The following ANKRD36 variants were observed in gnomAD, a reference collection of about 807,000 sequenced individuals.
ANKRD36 encodes ankyrin repeat domain-containing protein 36A.
In ANKRD36, 179 loss-of-function variants were observed where a neutral mutation model predicts 278.1. The ratio of observed to expected loss-of-function variants is 0.64; its 90% CI spans 0.57 to 0.73. ANKRD36 has a LOEUF of 0.73. Ranked by LOEUF, ANKRD36 falls within the 30% of genes least tolerant of loss-of-function variation. ANKRD36 has a pLI of 0.00. For missense variants in ANKRD36, 1,159 were observed against 1,956.7 expected (o/e 0.59, Z 7.69); for synonymous variants, 320 against 641.1 (o/e 0.50, Z 7.57).
At chr2:97,221,736 C>G (rs1456474840) in intron 66 of ANKRD36, among the ~76,000 whole-genome samples, 2 of 150,320 alleles carry the variant, frequency 1.3e-5, no homozygotes, top group African/African-American at 2.5e-5. Context: ...GTTGCCTGTT[C>G]ACTCGGATGG....
chr2:97,203,604 G>T (rs1452892433), intron 48 of ANKRD36, among the ~76,000 whole-genome samples: 1 of 151,820 alleles, frequency 6.6e-6, no homozygotes, highest in Non-Finnish European at 1.5e-5. Flanking sequence ...AATTGTCATG[G>T]TAATTGTGTG....
chr2:97,200,740 A>G (rs1285405046), intron 46 of ANKRD36, among the ~76,000 whole-genome samples: 1 of 151,872 alleles, frequency 6.6e-6, no homozygotes, highest in Non-Finnish European at 1.5e-5. Context: ...TACAATTGGG[A>G]GGAAGAAACA....
intron 22 of ANKRD36, among the ~76,000 whole-genome samples, chr2:97,169,762 C>A (rs2051848549): frequency 6.6e-6 from 1 of 152,258 alleles, no homozygotes. Context: ...CTACAAACCA[C>A]TGCTCAAGGA....
chr2:97,145,961 CAA>C (rs748331523), intron 10 of ANKRD36, among the ~76,000 whole-genome samples: 74 of 152,120 alleles, frequency 4.9e-4, no homozygotes, highest in Middle Eastern at 3.4e-3. Context: ...TCCGGCAAGT[CAA>C]AGAGCATGAT....
At chr2:97,151,305 G>T (rs1387634659) in intron 12 of ANKRD36, among the ~76,000 whole-genome samples, 1 of 151,800 alleles carries the variant, frequency 6.6e-6, no homozygotes. Flanking sequence ...TGCTCCATAA[G>T]GTGGATGATT....
At chr2:97,194,005 G>T (rs1337349927) in intron 38 of ANKRD36, among the ~76,000 whole-genome samples, 1 of 151,630 alleles carries the variant, frequency 6.6e-6, no homozygotes, top group African/African-American at 2.4e-5. Context: ...TTACTTTGTA[G>T]AAGTATGTCA....
intron 64 of ANKRD36, among the ~76,000 whole-genome samples, chr2:97,217,784 A>C (rs1393707679): frequency 6.6e-6 from 1 of 151,692 alleles, no homozygotes; most frequent in Non-Finnish European, 1.5e-5. Context: ...ACCCATAAAC[A>C]CTGGAGAATG....
Position 97,187,207 on chromosome 2 carries a change from A to G in ANKRD36, c.2051A>G (p.Gln684Arg). 6.2e-7 allele frequency: 1 copy of G among 1,609,786 alleles called. No homozygotes were observed. Reference protein sequence around the residue: ...DGLQCGTVSSQKQPALKATTD... With the variant: ...DGLQCGTVSSRKQPALKATTD... ...CCCTTTTGCTTTTCAGTGTCTTCTC[A>G]GAAACAACCAGCCTTGAAGGTAATT... The change falls in exon 31 of 76, where the codon CAG becomes CGG. Residue 684 changes from glutamine (Q) to arginine (R), a missense_variant. By Grantham distance (43) the Gln-to-Arg change is conservative. Transcript: ENST00000420699.
intron 50 of ANKRD36, 28 bp downstream of exon 50, chr2:97,204,291 T>C (rs1391313923): frequency 3.2e-6 from 5 of 1,540,176 alleles, no homozygotes; most frequent in East Asian, 4.9e-5. Context: ...TTTAATGTCA[T>C]GTTCAGTGCA....
chr2:97,260,324 C>A, intron 75 of ANKRD36, among the ~76,000 whole-genome samples: 1 of 113,396 alleles, frequency 8.8e-6, no homozygotes, highest in Non-Finnish European at 1.7e-5. Flanking sequence ...AGTGCATTGT[C>A]AATGAGCAGT....
chr2:97,226,195 G>C (rs1433850043), intron 67 of ANKRD36, among the ~76,000 whole-genome samples: 1 of 151,304 alleles, frequency 6.6e-6, no homozygotes, highest in East Asian at 2.0e-4. Flanking sequence ...CTGAGGAATC[G>C]CCACACTGAC....
At chr2:97,141,730 A>G (rs2042953131) in intron 6 of ANKRD36, among the ~76,000 whole-genome samples, 1 of 150,822 alleles carries the variant, frequency 6.6e-6, no homozygotes, top group African/African-American at 2.4e-5. Context: ...TTTTGGATGC[A>G]ATAGCAATTT....
intron 67 of ANKRD36, among the ~76,000 whole-genome samples, chr2:97,226,840 A>G (rs1244865417): frequency 1.6e-4 from 25 of 151,798 alleles, no homozygotes; most frequent in Admixed American, 3.9e-4. Flanking sequence ...AGCTTTCTAC[A>G]TATGGCTAGC....
chr2:97,127,133 A>T lies in ANKRD36; in HGVS notation c.798A>T (p.Pro266=), dbSNP rs1194496760. The part of the protein sequence containing the change: ...RYEDLPINSN[P]VSSQKQPALK... ...AAGATCTTCCTATAAATAGCAATCC[A>T]GGTAAGATTTCTGATAGTGAATTAC... The change falls in exon 6 of 76, where the codon CCA becomes CCT. Residue 266 remains proline, a splice_region_variant and synonymous_variant. Transcript: ENST00000420699. 3 of 1,273,236 alleles carry T rather than the reference A, an allele frequency of 2.4e-6. No individual in the cohort carries two copies. In the South Asian group the frequency reaches 4.5e-5, roughly 19 times the overall value. The allele number at this position is 1,273,236 out of a possible 1,614,324, so 78.9% of individuals were successfully genotyped here.
At chr2:97,207,551 T>G (rs62154858) in intron 52 of ANKRD36, among the ~76,000 whole-genome samples, 2,509 of 151,694 alleles carry the variant, frequency 0.017, 40 homozygotes, top group Non-Finnish European at 0.024. Context: ...CACGTTGATA[T>G]TGACACGGTT....
intron 42 of ANKRD36, among the ~76,000 whole-genome samples, chr2:97,196,992 AC>A (rs1234309769): frequency 1.3e-4 from 19 of 151,894 alleles, no homozygotes; most frequent in African/African-American, 4.3e-4. Context: ...ACACTTCCAC[AC>A]TTTGAAGTTG....
At chr2:97,152,670 T>C (rs369547443) in intron 14 of ANKRD36, 136 bp downstream of exon 14, 2 of 797,678 alleles carry the variant, frequency 2.5e-6, no homozygotes, top group South Asian at 2.8e-5. Context: ...CACACAACTT[T>C]AGAAACTATT....
intron 22 of ANKRD36, among the ~76,000 whole-genome samples, chr2:97,167,980 C>T (rs1398452484): frequency 6.6e-6 from 1 of 152,200 alleles, no homozygotes; most frequent in South Asian, 2.1e-4. Context: ...AGCTCAGATG[C>T]TTTTCCTTTT....
At chr2:97,191,643 G>A (rs2058537902) in intron 36 of ANKRD36, among the ~76,000 whole-genome samples, 1 of 151,690 alleles carries the variant, frequency 6.6e-6, no homozygotes, top group Non-Finnish European at 1.5e-5. Context: ...AAGACGGATT[G>A]TGAGGCAGGA....
Sources: gnomAD v4.1 joint callset for allele counts (sites outside exome capture counted in the v4.1 genomes callset) on GRCh38, gnomAD v4.1.1 for gene constraint, MANE v1.5 for transcripts, NCBI Gene and HGNC (gene_info 2026-07-23, HGNC 2026-07-21) for gene names.